FSTL5: variants seen among roughly 807,000 people sequenced by gnomAD.
FSTL5 encodes the protein follistatin like 5.
A neutral mutation model predicts 89.1 loss-of-function variants in FSTL5; 62 were observed. The observed-to-expected ratio is 0.70, with a 90% CI of 0.57 to 0.86. FSTL5 has a LOEUF of 0.86. Ranked by LOEUF, FSTL5 falls within the 40% of genes least tolerant of loss-of-function variation. The pLI is 0.00. For missense variants in FSTL5, 1,057 were observed against 1,001.6 expected, an observed-to-expected ratio of 1.06 and a Z score of -0.75; for synonymous variants, 383 against 346.2, an observed-to-expected ratio of 1.11 and a Z score of -1.18.
intron 13 of FSTL5, among the ~76,000 whole-genome samples, chr4:161,460,056 A>G (rs1316812409): frequency 6.6e-6 from 1 of 151,890 alleles, no homozygotes; most frequent in Non-Finnish European, 1.5e-5. Flanking sequence ...TGCTATTCAT[A>G]TTACAAGCTA....
intron 7 of FSTL5, among the ~76,000 whole-genome samples, chr4:161,623,657 C>T (rs973070277): frequency 1.3e-5 from 2 of 151,484 alleles, no homozygotes; most frequent in African/African-American, 4.8e-5. Context: ...GACACAACTG[C>T]TTATGAAAGA....
chr4:161,466,804 G>T (rs1406651407), intron 13 of FSTL5, among the ~76,000 whole-genome samples: 1 of 151,970 alleles, frequency 6.6e-6, no homozygotes, highest in Admixed American at 6.6e-5. Flanking sequence ...TTTAGCTGCA[G>T]ATAAAAATGA....
At chr4:162,127,848 T>C (rs1732144853) in intron 1 of FSTL5, among the ~76,000 whole-genome samples, 1 of 152,106 alleles carries the variant, frequency 6.6e-6, no homozygotes, top group African/African-American at 2.4e-5. Flanking sequence ...GTGAAGAAAA[T>C]TGATGATAAC....
chr4:161,762,067 C>T (rs950611783), intron 5 of FSTL5, among the ~76,000 whole-genome samples: 2 of 152,090 alleles, frequency 1.3e-5, no homozygotes, highest in African/African-American at 4.8e-5. Context: ...AAAAATGGCA[C>T]ATATTTAATG....
chr4:161,401,775 C>T (rs1320900849), intron 15 of FSTL5, among the ~76,000 whole-genome samples: 1 of 152,124 alleles, frequency 6.6e-6, no homozygotes, highest in Non-Finnish European at 1.5e-5. Context: ...GATCTGCCCA[C>T]CTCGGCCTCC....
chr4:162,062,726 A>T (rs926839886), intron 2 of FSTL5, among the ~76,000 whole-genome samples: 1 of 151,258 alleles, frequency 6.6e-6, no homozygotes, highest in Non-Finnish European at 1.5e-5. Context: ...AAGAATGTTA[A>T]AAATATATAT....
chr4:161,710,057 T>A (rs1738726777), intron 6 of FSTL5, among the ~76,000 whole-genome samples: 1 of 151,998 alleles, frequency 6.6e-6, no homozygotes, highest in South Asian at 2.1e-4. Flanking sequence ...CAGCCTTTAC[T>A]TCCTGGGGTC....
At chr4:162,019,171 A>C (rs180711473) in intron 3 of FSTL5, among the ~76,000 whole-genome samples, 64 of 152,178 alleles carry the variant, frequency 4.2e-4, no homozygotes, top group Non-Finnish European at 8.1e-4. Context: ...GGGAAATGAA[A>C]TTTTGGTAAT....
chr4:162,149,407 C>T (rs1387343892), intron 1 of FSTL5, among the ~76,000 whole-genome samples: 2 of 151,626 alleles, frequency 1.3e-5, no homozygotes, highest in Non-Finnish European at 2.9e-5. Context: ...TGTGGTGGCT[C>T]ACAAGCCCAG....
At chr4:161,406,804 C>T (rs535105086) in intron 15 of FSTL5, among the ~76,000 whole-genome samples, 1 of 152,276 alleles carries the variant, frequency 6.6e-6, no homozygotes, top group African/African-American at 2.4e-5. Context: ...CCTTCTCAAC[C>T]TATTTATGTC....
At chr4:161,700,170 T>C (rs1738337582) in intron 6 of FSTL5, among the ~76,000 whole-genome samples, 2 of 152,318 alleles carry the variant, frequency 1.3e-5, no homozygotes, top group South Asian at 4.1e-4. Flanking sequence ...ATATATCTAA[T>C]GCTTAAAATT....
chr4:161,942,497 A>G lies in FSTL5; in HGVS notation c.161-21845T>C, dbSNP rs189105566. 1.3e-3 allele frequency among the ~76,000 whole-genome samples: 194 copies of G among 152,204 alleles called. 2 individuals are homozygous for G. The highest frequency in any genetic ancestry group is 3.7e-3 in the African/African-American group (155 of 41,566). On this transcript the variant is annotated intron_variant, in intron 3 of 15. Coordinates refer to ENST00000306100, the MANE Select transcript of FSTL5 (RefSeq NM_020116.5). ...AGGATTACTGAAATAACATATAAAG[A>G]GACTAAATCAGTAATCAAAGACCTC...
At chr4:161,612,654 C>T (rs1042987728) in intron 7 of FSTL5, among the ~76,000 whole-genome samples, 6 of 152,082 alleles carry the variant, frequency 3.9e-5, no homozygotes, top group Admixed American at 2.0e-4. Flanking sequence ...CCTTCATTAG[C>T]GTATTACTTC....
chr4:161,625,092 T>C (rs147353530), intron 7 of FSTL5, among the ~76,000 whole-genome samples: 516 of 152,232 alleles, frequency 3.4e-3, no homozygotes, highest in Non-Finnish European at 4.1e-3. Flanking sequence ...GAAGAAAATA[T>C]CTGTCATATG....
intron 1 of FSTL5, among the ~76,000 whole-genome samples, chr4:162,120,813 G>A (rs1731827018): frequency 1.3e-5 from 2 of 151,970 alleles, no homozygotes; most frequent in Non-Finnish European, 2.9e-5. Flanking sequence ...ACATGTACAA[G>A]TGCTTAGTGT....
At chr4:162,076,269 G>A (rs1213400824) in intron 2 of FSTL5, among the ~76,000 whole-genome samples, 3 of 151,826 alleles carry the variant, frequency 2.0e-5, no homozygotes, top group Non-Finnish European at 4.4e-5. Flanking sequence ...TTCTCCAAGT[G>A]TCTCTGATGT....
chr4:161,873,597 T>A (rs1410520579), intron 4 of FSTL5, among the ~76,000 whole-genome samples: 1 of 131,300 alleles, frequency 7.6e-6, no homozygotes, highest in African/African-American at 2.6e-5. Flanking sequence ...GATATTTAAA[T>A]ATATATATAT....
chr4:161,910,434 C>G (rs570457176), intron 4 of FSTL5, among the ~76,000 whole-genome samples: 32 of 152,248 alleles, frequency 2.1e-4, no homozygotes, highest in Admixed American at 1.8e-3. Context: ...GCACAAATGA[C>G]ACTTTCTTTT....
At chr4:161,943,771 G>A (rs1367436095) in intron 3 of FSTL5, among the ~76,000 whole-genome samples, 2 of 151,648 alleles carry the variant, frequency 1.3e-5, no homozygotes, top group Non-Finnish European at 2.9e-5. Flanking sequence ...TAGCCAGCAT[G>A]GTCTCGATCT....
Sources: gnomAD v4.1 joint callset for allele counts (sites outside exome capture counted in the v4.1 genomes callset) on GRCh38, gnomAD v4.1.1 for gene constraint, MANE v1.5 for transcripts, NCBI Gene and HGNC (gene_info 2026-07-23, HGNC 2026-07-21) for gene names.